The following CEP128 variants were observed in gnomAD, a reference collection of about 807,000 sequenced individuals.
CEP128 encodes the protein centrosomal protein 128kDa.
In CEP128, 132 loss-of-function variants were observed where a neutral mutation model predicts 156.7. The ratio of observed to expected loss-of-function variants is 0.84; its 90% confidence interval spans 0.73 to 0.97. CEP128 has a LOEUF of 0.97. Ranked by LOEUF, CEP128 falls within the 50% of genes least tolerant of loss-of-function variation. CEP128 has a pLI of 0.00. For missense variants in CEP128, 1,252 were observed against 1,281.9 expected (o/e 0.98, Z 0.36); for synonymous variants, 469 against 448.9 (o/e 1.04, Z -0.57).
chr14:80,774,819 G>A (rs189501197), intron 16 of CEP128, among the ~76,000 whole-genome samples: 64 of 152,292 alleles, frequency 4.2e-4, no homozygotes, highest in African/African-American at 1.4e-3. Flanking sequence ...TAACACATGT[G>A]CCTTCAATAT....
chr14:80,679,500 AC>A (rs35034841), intron 19 of CEP128, among the ~76,000 whole-genome samples: 2,270 of 152,246 alleles, frequency 0.015, 26 homozygotes, highest in Non-Finnish European at 0.025. Flanking sequence ...CTCCCACAGT[AC>A]CCTCAGGCTT....
At chr14:80,732,003 T>A (rs1184438940) in intron 19 of CEP128, among the ~76,000 whole-genome samples, 1 of 152,080 alleles carries the variant, frequency 6.6e-6, no homozygotes, top group South Asian at 2.1e-4. Flanking sequence ...GAAGATACCA[T>A]AATAAATGGA....
chr14:80,594,916 C>A (rs1046832402), intron 19 of CEP128, among the ~76,000 whole-genome samples: 1 of 152,172 alleles, frequency 6.6e-6, no homozygotes, highest in Non-Finnish European at 1.5e-5. Context: ...GACAGTGTGG[C>A]AATTCCTCAA....
At chr14:80,721,224 C>T (rs145302535) in intron 19 of CEP128, among the ~76,000 whole-genome samples, 13 of 152,056 alleles carry the variant, frequency 8.5e-5, no homozygotes, top group African/African-American at 2.7e-4. Context: ...AGAATATGAG[C>T]TTCAGGTTAC....
At chr14:80,876,315 A>G (rs1022810798) in intron 8 of CEP128, among the ~76,000 whole-genome samples, 2 of 152,078 alleles carry the variant, frequency 1.3e-5, no homozygotes, top group Admixed American at 1.3e-4. Context: ...AAAAAGCATC[A>G]GGCCGGGCGC....
At chr14:80,820,673 C>T (rs1201910672) in intron 13 of CEP128, among the ~76,000 whole-genome samples, 1 of 152,136 alleles carries the variant, frequency 6.6e-6, no homozygotes, top group African/African-American at 2.4e-5. Context: ...GTCCTTGCTG[C>T]CTAGAGATAG....
chr14:80,887,084 T>C (rs1268200505), intron 8 of CEP128, among the ~76,000 whole-genome samples: 1 of 152,226 alleles, frequency 6.6e-6, no homozygotes, highest in Non-Finnish European at 1.5e-5. Flanking sequence ...CTAACTACCC[T>C]AAATATATAT....
In CEP128 at chr14:80,895,770, C is replaced by G. The variant is rs768133077; in HGVS notation, c.593G>C (p.Arg198Thr). The G allele has an allele frequency of 1.3e-6, 2 of 1,531,042 alleles. No individual in the cohort carries two copies. Among genetic ancestry groups the G allele is most frequent in the Admixed American group, 2.0e-5 (1 of 51,142 alleles). 94.8% of individuals were successfully genotyped at this position (1,531,042 alleles called of 1,614,324 possible). The change falls in exon 8 of 25, where the codon AGG (arginine) becomes ACG (threonine). Residue 198 changes from arginine to threonine, a missense_variant. Coordinates refer to ENST00000555265, the MANE Select transcript of CEP128 (RefSeq NM_152446.5). The part of the protein sequence containing the change: ...RRSRSDAETK[R>T]ALEELTEKLN... ...TTTTTCAGTCAATTCTTCCAAAGCC[C>G]TTTTTGTTTCGGCATCTGACCTAGG... is the stretch of plus-strand genomic sequence containing the variant.
At chr14:80,758,176 C>T (rs1162828885) in intron 17 of CEP128, among the ~76,000 whole-genome samples, 3 of 152,138 alleles carry the variant, frequency 2.0e-5, no homozygotes, top group African/African-American at 7.2e-5. Flanking sequence ...AAGTAATGTT[C>T]ACATTTTATT....
At chr14:80,749,953 T>C (rs1566893478) in intron 18 of CEP128, among the ~76,000 whole-genome samples, 1 of 151,992 alleles carries the variant, frequency 6.6e-6, no homozygotes, top group Non-Finnish European at 1.5e-5. Context: ...AAGAGATAAA[T>C]CTGAAGGAAT....
chr14:80,697,634 C>T (rs1319406205), intron 19 of CEP128, among the ~76,000 whole-genome samples: 1 of 151,852 alleles, frequency 6.6e-6, no homozygotes, highest in Non-Finnish European at 1.5e-5. Flanking sequence ...GAATAGAAAA[C>T]AGGCTAACAA....
intron 19 of CEP128, among the ~76,000 whole-genome samples, chr14:80,724,745 C>G (rs1897947380): frequency 6.6e-6 from 1 of 151,760 alleles, no homozygotes; most frequent in Admixed American, 6.6e-5. Context: ...CTTGAAATTT[C>G]AATAAGATGT....
chr14:80,931,723 A>C (rs1023138364), intron 2 of CEP128, among the ~76,000 whole-genome samples: 4 of 152,248 alleles, frequency 2.6e-5, no homozygotes, highest in Non-Finnish European at 5.9e-5. Flanking sequence ...ACTGTGTTCA[A>C]GTCAGCAGAT....
At chr14:80,563,011 C>A (rs1177459459) in intron 20 of CEP128, among the ~76,000 whole-genome samples, 1 of 152,052 alleles carries the variant, frequency 6.6e-6, no homozygotes, top group East Asian at 1.9e-4. Context: ...AAAGAAAAAG[C>A]CAGTATATGT....
intron 23 of CEP128, among the ~76,000 whole-genome samples, chr14:80,519,014 T>C (rs1888618316): frequency 6.6e-6 from 1 of 152,246 alleles, no homozygotes; most frequent in Non-Finnish European, 1.5e-5. Flanking sequence ...AAAATGAATG[T>C]TTGCAATTCC....
chr14:80,543,173 T>C (rs1192227228), intron 21 of CEP128, among the ~76,000 whole-genome samples: 1 of 152,242 alleles, frequency 6.6e-6, no homozygotes, highest in Non-Finnish European at 1.5e-5. Context: ...AGATCAACTA[T>C]GCCTATATTT....
chr14:80,518,470 G>A (rs1032139318), intron 23 of CEP128, among the ~76,000 whole-genome samples: 2 of 152,018 alleles, frequency 1.3e-5, no homozygotes, highest in Non-Finnish European at 2.9e-5. Context: ...TTCTATAAAC[G>A]TCAATTAAAT....
At chr14:80,515,518 T>A (rs184658358) in intron 23 of CEP128, among the ~76,000 whole-genome samples, 1 of 152,236 alleles carries the variant, frequency 6.6e-6, no homozygotes, top group East Asian at 1.9e-4. Flanking sequence ...CTACTACCGA[T>A]GTTCGCTCAA....
At chr14:80,519,892 A>T (rs1156656047) in intron 23 of CEP128, among the ~76,000 whole-genome samples, 1 of 152,182 alleles carries the variant, frequency 6.6e-6, no homozygotes, top group Non-Finnish European at 1.5e-5. Context: ...AAAGTGCAGA[A>T]ATTAAAGTTT....
Sources: allele counts gnomAD v4.1 joint callset (sites outside exome capture counted in the v4.1 genomes callset), GRCh38; gene constraint gnomAD v4.1.1; transcripts MANE v1.5; gene names NCBI Gene and HGNC (gene_info 2026-07-23, HGNC 2026-07-21).